The following MYCBPAP variants were observed in gnomAD, a reference collection of about 807,000 sequenced individuals.
The protein encoded by MYCBPAP is MYCBP-associated protein.
A neutral mutation model predicts 106.1 loss-of-function variants in MYCBPAP; 60 were observed. The observed-to-expected ratio is 0.57, with a 90% CI of 0.46 to 0.70. The LOEUF is 0.70. Among genes scored for constraint, MYCBPAP ranks in the 30% least tolerant of loss-of-function variants. The pLI, the probability that MYCBPAP is intolerant of heterozygous loss-of-function variation, is 0.00. For missense variants in MYCBPAP, 1,064 were observed against 1,169.3 expected (o/e 0.91, Z 1.31); for synonymous variants, 407 against 440.6 (o/e 0.92, Z 0.95).
At position 50,519,708 on chromosome 17, in the gene MYCBPAP, G is replaced by A; in HGVS notation, c.837G>A (p.Met279Ile). ...YLGDEMTGLV[M>I]TKTKTQRGLM... ...GAGATGAGATGACAGGTCTGGTCAT[G>A]ACCAAGACAAAAACTCAGCGTGGCC... Residue 279 changes from methionine (M) to isoleucine (I), a missense_variant, in exon 7 of 19, where the codon ATG (methionine) becomes ATA (isoleucine). By Grantham distance (10) the Met-to-Ile change is conservative. Transcript: ENST00000323776. 6.2e-7 allele frequency: 1 copy of A among 1,614,114 alleles called. No individual in the cohort carries two copies. The highest frequency in any genetic ancestry group is 1.3e-5 in the African/African-American group (1 of 75,036).
Position 50,518,559 on chromosome 17 carries a change from ACCTCAC to A in MYCBPAP, c.491_496del (p.Ser164_Pro165del). 1 of 1,587,096 alleles carries A rather than the reference ACCTCAC, an allele frequency of 6.3e-7. No homozygotes were observed. The highest frequency in any genetic ancestry group is 1.2e-5 in the South Asian group (1 of 86,608). ...TTTTCAGCTGGCTGAGCGGATACCT[ACCTCAC>A]CCTGTCTGATGACCCTCATCTCTGC... On this transcript the variant is annotated inframe_deletion, in exon 5 of 19. Transcript: ENST00000323776.
chr17:50,508,358 G>A (rs930750513), upstream of MYCBPAP: 21 of 506,912 alleles, frequency 4.1e-5, no homozygotes, highest in African/African-American at 1.0e-4. Flanking sequence ...GTCCTCGCCC[G>A]GGTCCCCCGC....
chr17:50,511,544 T>C (rs2033848166), intron 1 of MYCBPAP, among the ~76,000 whole-genome samples: 1 of 152,180 alleles, frequency 6.6e-6, no homozygotes, highest in Non-Finnish European at 1.5e-5. Flanking sequence ...GGGTTTCTTC[T>C]CCCTCCATAG....
chr17:50,513,218 C>CAAAA (rs1190873215), intron 1 of MYCBPAP, among the ~76,000 whole-genome samples: 28 of 62,614 alleles, frequency 4.5e-4, no homozygotes, highest in Admixed American at 5.7e-4. Context: ...AACTCCATCT[C>CAAAA]AAAAAAAAAA....
chr17:50,518,768 G>T (rs1393229296), intron 5 of MYCBPAP, 44 bp downstream of exon 5: 3 of 1,551,312 alleles, frequency 1.9e-6, no homozygotes, highest in Non-Finnish European at 2.6e-6. Context: ...CCATCTGGCA[G>T]CAAGGCTCTG....
At position 50,522,016 on chromosome 17, in the gene MYCBPAP, G is replaced by A. The variant is rs376019249; in HGVS notation, c.1192G>A (p.Gly398Ser). The A allele has an allele frequency of 4.5e-5, 72 of 1,613,858 alleles. No individual in the cohort carries two copies. Among genetic ancestry groups the A allele is most frequent in the African/African-American group, 8.0e-5 (6 of 74,912 alleles). ...CTCTGATGTCTCCATGCCTATTCTCGGCCCTTCTCTGCTGTTCTGTGGGAA... is the reference window on the plus strand; with the variant it reads ...CTCTGATGTCTCCATGCCTATTCTCAGCCCTTCTCTGCTGTTCTGTGGGAA... Reference protein sequence around the residue: ...SSSDVSMPILGPSLLFCGKPA... With the variant: ...SSSDVSMPILSPSLLFCGKPA... The change falls in exon 10 of 19, where the codon GGC becomes AGC. Residue 398 changes from glycine (G) to serine (S), a missense_variant. Physicochemically the swap from Gly to Ser is moderately conservative, Grantham distance 56. Transcript: ENST00000323776.
rs372820116 is a variant in MYCBPAP, at chr17:50,523,164, G to A, written c.1447+36G>A. ...GAAGCCACCCTATGTGCTAGCTCCT[G>A]TCTGGGGCTGGTTTTGTCCTCCGTG... On this transcript the variant is annotated intron_variant, in intron 11 of 18. Transcript: ENST00000323776. 2.3e-4 allele frequency: 368 copies of A among 1,597,632 alleles called. 2 individuals are homozygous for A. The African/African-American group carries it at 4.4e-3, about 19-fold the overall frequency.
At chr17:50,524,686 A>G (rs372550075) in intron 12 of MYCBPAP, among the ~76,000 whole-genome samples, 191 bp from the exon 13 acceptor site, 17 of 150,138 alleles carry the variant, frequency 1.1e-4, no homozygotes, top group African/African-American at 3.7e-4. Context: ...GGAGAGACTC[A>G]GAGGTTTTCA....
chr17:50,510,532 T>TATATAC (rs1555618090), intron 1 of MYCBPAP: 1 of 137,138 alleles, frequency 7.3e-6, no homozygotes, highest in Non-Finnish European at 1.6e-5. Flanking sequence ...TATATATATA[T>TATATAC]ATATGTATTT....
chr17:50,530,585 C>T (rs532411287), intron 18 of MYCBPAP, among the ~76,000 whole-genome samples: 3 of 151,714 alleles, frequency 2.0e-5, no homozygotes, highest in South Asian at 2.1e-4. Context: ...TGCTTGAGCC[C>T]AGGAGTTCGA....
At chr17:50,524,495 T>C (rs2034384899) in intron 12 of MYCBPAP, among the ~76,000 whole-genome samples, 1 of 152,150 alleles carries the variant, frequency 6.6e-6, no homozygotes, top group Admixed American at 6.5e-5. Context: ...TGACACTCAC[T>C]GAAGCCTGAT....
chr17:50,525,359 T>C (rs1342087016), intron 13 of MYCBPAP, among the ~76,000 whole-genome samples: 2 of 152,220 alleles, frequency 1.3e-5, no homozygotes, highest in Non-Finnish European at 2.9e-5. Context: ...GCCAAAAAGG[T>C]TGGGGACTGC....
Position 50,526,093 on chromosome 17 carries a change from CAG to C in MYCBPAP, c.1996_1997del (p.Arg666GlyfsTer64), listed in dbSNP as rs779430629. ...QVPRPENEALRESGSQKARVG... is the reference protein window; with the variant it reads ...QVPRPENEALXESGSQKARVG... ...TGCCCCGGCCTGAGAACGAGGCCCT[CAG>C]GGAATCCGGGTCCCAGAAGGCCAGA... On this transcript the variant is annotated frameshift_variant, in exon 14 of 19. Transcript: ENST00000323776. LOFTEE classifies it high-confidence loss of function. The C allele has an allele frequency of 1.2e-6, 2 of 1,613,908 alleles. No individual in the cohort carries two copies. The highest frequency in any genetic ancestry group is 1.6e-4 in the Middle Eastern group (1 of 6,062).
chr17:50,509,256 G>A (rs762172431), intron 1 of MYCBPAP: 286 of 671,456 alleles, frequency 4.3e-4, no homozygotes, highest in Non-Finnish European at 6.6e-4. Flanking sequence ...CAGAAGAAAG[G>A]CCTTGCTTGG....
rs1292587898 is a variant in MYCBPAP, at chr17:50,517,715, C to G, written c.468+17C>G. On this transcript the variant is annotated intron_variant, in intron 4 of 18. Coordinates refer to ENST00000323776, the MANE Select transcript of MYCBPAP (RefSeq NM_032133.6). ...AACACCCAGGTTTGTTTGCACAGAA[C>G]TACCCGGATGAGAGCAGTCACTGAA... 2.5e-6 allele frequency: 4 copies of G among 1,606,306 alleles called. No homozygotes were observed. In the African/African-American group the frequency reaches 4.0e-5, roughly 16 times the overall value.
chr17:50,524,874 C>A lies in MYCBPAP; in HGVS notation c.1636-3C>A. 6.2e-7 allele frequency: 1 copy of A among 1,612,456 alleles called. No homozygotes were observed. The highest frequency in any genetic ancestry group is 8.5e-7 in the Non-Finnish European group (1 of 1,179,152). ...CCATCCTCTGCCACCTTCCCTTTTGCAGAGCAAGCTGACTGCCCATGAGGC... is the reference window on the plus strand; with the variant it reads ...CCATCCTCTGCCACCTTCCCTTTTGAAGAGCAAGCTGACTGCCCATGAGGC... On this transcript the variant is annotated splice_polypyrimidine_tract_variant and splice_region_variant and intron_variant, in intron 12 of 18. Coordinates refer to ENST00000323776, the MANE Select transcript of MYCBPAP (RefSeq NM_032133.6).
chr17:50,518,785 T>C, intron 5 of MYCBPAP, 61 bp downstream of exon 5: 2 of 1,550,060 alleles, frequency 1.3e-6, no homozygotes, highest in South Asian at 2.4e-5. Context: ...TCTGCTGGGT[T>C]GTTTGCTCTC....
chr17:50,509,754 G>A (rs924746110), intron 1 of MYCBPAP: 1 of 153,226 alleles, frequency 6.5e-6, no homozygotes, highest in African/African-American at 2.4e-5. Context: ...GAAGGGTATC[G>A]GTATTAACTG....
rs9900914 is a variant in MYCBPAP, at chr17:50,514,872, C to T, written c.77-1698C>T. ...CCCAGACTGGTCTTGAACTCCTGGG[C>T]TCAAGCGATCTGCCTGCCTTGGCCT... On this transcript the variant is annotated intron_variant, in intron 1 of 18. Coordinates refer to ENST00000323776, the MANE Select transcript of MYCBPAP (RefSeq NM_032133.6). 2,348 of 451,556 alleles carry T rather than the reference C, an allele frequency of 5.2e-3. 54 individuals carry two copies. The highest frequency in any genetic ancestry group is 0.043 in the African/African-American group (2,157 of 49,890). The allele number at this position is 451,556 out of a possible 1,614,324, so 28.0% of individuals were successfully genotyped here. A position where few individuals can be genotyped will look rare whatever the true frequency, so the allele number is the denominator to read the frequency against.
Sources: gnomAD v4.1 joint callset for allele counts (sites outside exome capture counted in the v4.1 genomes callset) on GRCh38, gnomAD v4.1.1 for gene constraint, MANE v1.5 for transcripts, NCBI Gene and HGNC (gene_info 2026-07-23, HGNC 2026-07-21) for gene names.